Variants in ADK observed in about 807,000 individuals in gnomAD.
ADK encodes the protein N6,N6-dimethyladenosine kinase.
ADK carries 24 observed loss-of-function variants against 44.7 expected under a neutral mutation model. The ratio of observed to expected loss-of-function variants is 0.54; its 90% CI spans 0.39 to 0.76. ADK has a LOEUF of 0.76. ADK is among the 30% of genes least tolerant of loss of function. The pLI is 0.00. For synonymous variants in ADK, 128 were observed against 142.6 expected (o/e 0.90, Z 0.73); for missense variants, 321 against 425.1 (o/e 0.76, Z 2.15).
chr10:74,275,428 T>G (rs1846636830), intron 3 of ADK, among the ~76,000 whole-genome samples: 1 of 152,060 alleles, frequency 6.6e-6, no homozygotes, highest in Non-Finnish European at 1.5e-5. Context: ...TAGATGCCCC[T>G]TTATTAACTA....
At chr10:74,473,471 T>C (rs1410069305) in intron 6 of ADK, among the ~76,000 whole-genome samples, 3 of 152,334 alleles carry the variant, frequency 2.0e-5, no homozygotes, top group African/African-American at 7.2e-5. Flanking sequence ...CAGGATCTGT[T>C]GGAGGATACT....
At chr10:74,290,977 AAATAAT>A (rs926872460) in intron 3 of ADK, among the ~76,000 whole-genome samples, 1 of 152,156 alleles carries the variant, frequency 6.6e-6, no homozygotes, top group Non-Finnish European at 1.5e-5. Context: ...AGTCTGTAGC[AAATAAT>A]AATAATAAGT....
rs117625944 is a variant in ADK at position 74,660,264 on chromosome 10, G to A, written c.878-9919G>A. ...CCACCTCAGCCTCCCGAATAGCTGGGGCTACAGGAATGCACCACCACACCT... is the reference window on the plus strand; with the variant it reads ...CCACCTCAGCCTCCCGAATAGCTGGAGCTACAGGAATGCACCACCACACCT... On this transcript the variant is annotated intron_variant, in intron 9 of 10. Transcript: ENST00000539909. Among the ~76,000 whole-genome samples the A allele has an allele frequency of 1.4e-4, 21 of 152,096 alleles. No individual in the cohort carries two copies. The East Asian group carries it at 3.9e-3, about 28-fold the overall frequency.
intron 9 of ADK, among the ~76,000 whole-genome samples, chr10:74,639,688 T>G (rs1853765442): frequency 6.6e-6 from 1 of 151,968 alleles, no homozygotes; most frequent in African/African-American, 2.4e-5. Context: ...TTACAAAAAT[T>G]AGCCGGGCGT....
At chr10:74,233,398 G>T (rs937363096) in intron 3 of ADK, among the ~76,000 whole-genome samples, 3 of 152,128 alleles carry the variant, frequency 2.0e-5, no homozygotes, top group African/African-American at 7.2e-5. Context: ...GCTTGGTCCT[G>T]GTAGTTGTGG....
At chr10:74,319,080 A>G (rs1840726446) in intron 4 of ADK, among the ~76,000 whole-genome samples, 2 of 152,220 alleles carry the variant, frequency 1.3e-5, no homozygotes, top group Non-Finnish European at 2.9e-5. Flanking sequence ...AAAAGTAAAA[A>G]TATTTTATTA....
Position 74,549,029 on chromosome 10 carries a change from C to T in ADK, c.726+23603C>T, listed in dbSNP as rs1421073107. On this transcript the variant is annotated intron_variant, in intron 7 of 10. Coordinates refer to ENST00000539909, the MANE Select transcript of ADK (RefSeq NM_006721.4). ...TGGAGAACAAAAACAGACATGGCTT[C>T]TACCCTCATGGATTTTATAGTCTGT... Among the ~76,000 whole-genome samples the T allele has an allele frequency of 2.0e-5, 3 of 152,282 alleles. No homozygotes were observed. The South Asian group carries it at 6.2e-4, about 32-fold the overall frequency.
intron 6 of ADK, among the ~76,000 whole-genome samples, chr10:74,479,380 CTTTG>C (rs1846980741): frequency 6.8e-6 from 1 of 147,556 alleles, no homozygotes; most frequent in Admixed American, 6.8e-5. Context: ...CTTTTAGCCA[CTTTG>C]TTTTTTGTTG....
chr10:74,308,124 C>T (rs900251611), intron 3 of ADK, among the ~76,000 whole-genome samples: 3 of 152,156 alleles, frequency 2.0e-5, no homozygotes, highest in Admixed American at 2.0e-4. Context: ...ATCATCTATA[C>T]TTATATACAA....
intron 7 of ADK, among the ~76,000 whole-genome samples, chr10:74,586,758 G>A (rs761377683): frequency 5.8e-4 from 88 of 151,826 alleles, no homozygotes; most frequent in Non-Finnish European, 4.1e-4. Flanking sequence ...GGAGGCTGAG[G>A]CAGGAGAATA....
At chr10:74,199,360 A>G (rs759676360) in intron 1 of ADK, among the ~76,000 whole-genome samples, 1 of 152,142 alleles carries the variant, frequency 6.6e-6, no homozygotes, top group Non-Finnish European at 1.5e-5. Context: ...TGATTTTGGA[A>G]TCTCCAGTGT....
chr10:74,697,006 T>C (rs1856233129), intron 10 of ADK, among the ~76,000 whole-genome samples: 1 of 152,206 alleles, frequency 6.6e-6, no homozygotes, highest in African/African-American at 2.4e-5. Flanking sequence ...GTGAACAATG[T>C]ACTACCTAGA....
chr10:74,434,331 A>G (rs1845109940), intron 6 of ADK, among the ~76,000 whole-genome samples: 1 of 152,200 alleles, frequency 6.6e-6, no homozygotes, highest in African/African-American at 2.4e-5. Context: ...TCTGAGAACT[A>G]TTTGATCTTA....
Position 74,197,342 on chromosome 10 carries a change from A to G in ADK, c.66-3422A>G, listed in dbSNP as rs573485168. On this transcript the variant is annotated intron_variant, in intron 1 of 10. Transcript: ENST00000539909. Reference sequence around the variant, plus strand: ...ATTATTTGGGAACAAGTCAAACATTATTAACATTTAGGCCCAGAGATGGTA... The same window carrying G: ...ATTATTTGGGAACAAGTCAAACATTGTTAACATTTAGGCCCAGAGATGGTA... Among the ~76,000 whole-genome samples the G allele has an allele frequency of 5.7e-4, 87 of 152,302 alleles. No homozygotes were observed. In the Middle Eastern group the frequency reaches 0.017, roughly 30 times the overall value.
intron 6 of ADK, among the ~76,000 whole-genome samples, chr10:74,439,058 A>G (rs1324017149): frequency 6.6e-6 from 1 of 152,222 alleles, no homozygotes; most frequent in African/African-American, 2.4e-5. Flanking sequence ...AAAATGTCAT[A>G]TGTAAAAGAG....
intron 3 of ADK, among the ~76,000 whole-genome samples, chr10:74,246,274 T>C (rs577162445): frequency 7.4e-4 from 113 of 152,240 alleles, no homozygotes; most frequent in Non-Finnish European, 4.0e-4. Flanking sequence ...GCCATACTGA[T>C]TGAATGTACA....
intron 1 of ADK, chr10:74,176,349 C>T: frequency 1.6e-6 from 1 of 613,036 alleles, no homozygotes; most frequent in Non-Finnish European, 2.0e-6. Flanking sequence ...CCCACCTTTG[C>T]AGATGGATTT....
intron 1 of ADK, among the ~76,000 whole-genome samples, chr10:74,166,020 A>G (rs1842025490): frequency 6.6e-6 from 1 of 152,082 alleles, no homozygotes; most frequent in African/African-American, 2.4e-5. Context: ...TCCTGGGTAC[A>G]CTTCCACTTC....
chr10:74,387,093 C>T (rs576029597), intron 4 of ADK, among the ~76,000 whole-genome samples: 6 of 152,208 alleles, frequency 3.9e-5, no homozygotes, highest in South Asian at 2.1e-4. Flanking sequence ...TGTGCCACCA[C>T]GCCTGGGTAA....
Sources: allele counts gnomAD v4.1 joint callset (sites outside exome capture counted in the v4.1 genomes callset), GRCh38; gene constraint gnomAD v4.1.1; transcripts MANE v1.5; gene names NCBI Gene and HGNC (gene_info 2026-07-23, HGNC 2026-07-21).